The following CREB5 variants were observed in gnomAD, a reference collection of about 807,000 sequenced individuals.
The protein encoded by CREB5 is cyclic AMP-responsive element-binding protein 5.
In CREB5, 19 loss-of-function variants were observed where a neutral mutation model predicts 57.1. That is an observed-to-expected ratio of 0.33 (90% CI 0.23 to 0.49). The LOEUF (loss-of-function observed/expected upper bound fraction) is 0.49, where lower values mean the gene tolerates loss of function less well. Among genes scored for constraint, CREB5 ranks in the 20% least tolerant of loss-of-function variants. The pLI is 0.99. For synonymous variants in CREB5, 238 were observed against 238.3 expected, an observed-to-expected ratio of 1.00 and a Z score of 0.01; for missense variants, 579 against 671.6, an observed-to-expected ratio of 0.86 and a Z score of 1.52.
chr7:28,428,357 A>G (rs558324597), intron 1 of CREB5, among the ~76,000 whole-genome samples: 7 of 152,154 alleles, frequency 4.6e-5, no homozygotes, highest in Admixed American at 1.3e-4. Context: ...ATCACTTATA[A>G]AGCCCTCCAT....
rs1201099608 is a variant in CREB5, at chr7:28,560,973, CGTGTGT to C, written c.292-9390_292-9385del. Among the ~76,000 whole-genome samples, 192 of 31,528 alleles carry C rather than the reference CGTGTGT, an allele frequency of 6.1e-3. 13 individuals carry two copies. The highest frequency in any genetic ancestry group is 7.7e-3 in the Non-Finnish European group (115 of 14,846). 20.7% of individuals were successfully genotyped at this position (31,528 alleles called of 152,430 possible). On this transcript the variant is annotated intron_variant, in intron 4 of 10. Transcript: ENST00000357727. ...GTGCGTGTGTGTGCGTGTGTGTGTG[CGTGTGT>C]GCGTGCGTGTGTGTGCCTGCGTGTG...
At chr7:28,466,799 G>A (rs1424377633) in intron 1 of CREB5, among the ~76,000 whole-genome samples, 3 of 152,122 alleles carry the variant, frequency 2.0e-5, no homozygotes, top group African/African-American at 7.2e-5. Flanking sequence ...TTTGCAAATC[G>A]GGGCTATGAT....
chr7:28,736,882 C>A (rs1329321897), intron 7 of CREB5, among the ~76,000 whole-genome samples: 2 of 147,758 alleles, frequency 1.4e-5, no homozygotes, highest in Non-Finnish European at 3.0e-5. Flanking sequence ...TTTTTCCTGG[C>A]CATGTAATGA....
At chr7:28,768,820 T>TTAACTCATC (rs374838458) in intron 7 of CREB5, among the ~76,000 whole-genome samples, 13 of 152,352 alleles carry the variant, frequency 8.5e-5, no homozygotes, top group African/African-American at 2.9e-4. Context: ...GTTAACAGTG[T>TTAACTCATC]TGGCCATCTT....
chr7:28,613,261 G>A (rs940953550), intron 5 of CREB5, among the ~76,000 whole-genome samples: 4 of 152,170 alleles, frequency 2.6e-5, no homozygotes, highest in Non-Finnish European at 4.4e-5. Flanking sequence ...ATGTGTGACC[G>A]TCTAAGAATT....
In CREB5 at chr7:28,718,855, A is replaced by G. The variant is rs745558409; in HGVS notation, c.567A>G (p.Pro189=). The G allele has an allele frequency of 2.5e-6, 4 of 1,614,094 alleles. No homozygotes were observed. In the Admixed American group the frequency reaches 6.7e-5, roughly 27 times the overall value. The part of the protein sequence containing the change: ...MPGTLPNPTM[P]GSSAVLMPME... ...GGACCCTGCCCAACCCTACAATGCC[A>G]GGATCTTCCGCCGTCTTGATGCCAG... Residue 189 remains proline (P), a synonymous_variant, in exon 6 of 11, where the codon CCA becomes CCG. Transcript: ENST00000357727.
At position 28,560,881 on chromosome 7, in the gene CREB5, T is replaced by TGCGCGTGC. The variant is rs1388491335; in HGVS notation, c.292-9481_292-9480insCGTGCGCG. ...GTGCGTGTGCCTGCGTGCGCGTGCG[T>TGCGCGTGC]GCGTGCGTGTGTGTGCGTGCGCGCG... On this transcript the variant is annotated intron_variant, in intron 4 of 10. Transcript: ENST00000357727. Among the ~76,000 whole-genome samples the TGCGCGTGC allele has an allele frequency of 1.3e-4, 6 of 46,242 alleles. 1 individual carries two copies. The East Asian group carries it at 1.6e-3, about 12-fold the overall frequency. 30.3% of individuals were successfully genotyped at this position (46,242 alleles called of 152,430 possible).
chr7:28,546,026 T>C (rs1297197975), intron 4 of CREB5, among the ~76,000 whole-genome samples: 1 of 152,218 alleles, frequency 6.6e-6, no homozygotes, highest in Non-Finnish European at 1.5e-5. Context: ...AGAAACTTAG[T>C]GCCCATAGGC....
intron 1 of CREB5, among the ~76,000 whole-genome samples, chr7:28,315,554 C>G (rs1465576428): frequency 6.6e-6 from 1 of 152,226 alleles, no homozygotes; most frequent in Non-Finnish European, 1.5e-5. Context: ...TCTCCAACAA[C>G]AGATTTCATC....
chr7:28,716,789 G>A (rs1201273749), intron 5 of CREB5, among the ~76,000 whole-genome samples: 1 of 152,114 alleles, frequency 6.6e-6, no homozygotes, highest in Non-Finnish European at 1.5e-5. Flanking sequence ...ACCTAGTGAA[G>A]GCACAACCTG....
At chr7:28,586,563 G>A (rs1186882900) in intron 5 of CREB5, among the ~76,000 whole-genome samples, 2 of 152,134 alleles carry the variant, frequency 1.3e-5, no homozygotes, top group Admixed American at 1.3e-4. Context: ...CATCCATAAA[G>A]AGTAGAGAAT....
intron 5 of CREB5, among the ~76,000 whole-genome samples, chr7:28,607,735 C>CTGTGTGTGTGTG (rs573980917): frequency 1.5e-5 from 2 of 129,194 alleles, no homozygotes; most frequent in African/African-American, 3.0e-5. Context: ...GCCCACAGGG[C>CTGTGTGTGTGTG]TGTGTGTGTG....
intron 1 of CREB5, among the ~76,000 whole-genome samples, chr7:28,314,457 A>G (rs545757889): frequency 1.3e-5 from 2 of 152,326 alleles, no homozygotes; most frequent in East Asian, 1.9e-4. Context: ...TCTTAGTCCT[A>G]TGGAGCTTGA....
intron 7 of CREB5, among the ~76,000 whole-genome samples, chr7:28,766,041 T>A (rs939921238): frequency 1.3e-5 from 2 of 151,894 alleles, no homozygotes; most frequent in South Asian, 2.1e-4. Flanking sequence ...CTCTTGGAGC[T>A]ACATTTTTTC....
At chr7:28,581,116 G>A (rs1055781964) in intron 5 of CREB5, among the ~76,000 whole-genome samples, 10 of 152,222 alleles carry the variant, frequency 6.6e-5, no homozygotes, top group Non-Finnish European at 1.0e-4. Context: ...ACAAAGTGCA[G>A]AAGAGTGAGG....
intron 5 of CREB5, among the ~76,000 whole-genome samples, chr7:28,572,482 T>C (rs1795742597): frequency 6.6e-6 from 1 of 152,218 alleles, no homozygotes; most frequent in African/African-American, 2.4e-5. Context: ...CAGCAGACAA[T>C]TCACAGTTAT....
chr7:28,303,831 A>AT (rs1785141732), intron 1 of CREB5, among the ~76,000 whole-genome samples: 1 of 152,208 alleles, frequency 6.6e-6, no homozygotes, highest in Non-Finnish European at 1.5e-5. Context: ...ATTTTATAGT[A>AT]TTTTTTGCAC....
intron 5 of CREB5, among the ~76,000 whole-genome samples, chr7:28,691,801 T>G (rs889235876): frequency 6.6e-6 from 1 of 152,050 alleles, no homozygotes; most frequent in Admixed American, 6.6e-5. Context: ...CAGAAATTAG[T>G]GTAGACTGAG....
At chr7:28,502,246 A>C (rs1033777310) in intron 3 of CREB5, among the ~76,000 whole-genome samples, 1 of 152,176 alleles carries the variant, frequency 6.6e-6, no homozygotes, top group South Asian at 2.1e-4. Context: ...TTGATTATCG[A>C]TCTTACAAAT....
Sources: allele counts gnomAD v4.1 joint callset (sites outside exome capture counted in the v4.1 genomes callset), GRCh38; gene constraint gnomAD v4.1.1; transcripts MANE v1.5; gene names NCBI Gene and HGNC (gene_info 2026-07-23, HGNC 2026-07-21).